Variants in C10orf67 observed in about 807,000 individuals in gnomAD.
C10orf67 encodes the protein chromosome 10 open reading frame 67.
A neutral mutation model predicts 35.6 loss-of-function variants in C10orf67; 60 were observed. The observed-to-expected ratio is 1.68, with a 90% CI of 1.37 to 2.09. C10orf67 has a LOEUF of 2.09. Ranked by LOEUF, C10orf67 falls within the 30% of genes most tolerant of loss-of-function variation. The probability of loss-of-function intolerance (pLI) is 0.00; values close to 1 mark genes in which losing one functional copy is unlikely to be tolerated. For missense variants in C10orf67, 474 were observed against 330.2 expected (o/e 1.44, Z -3.38); for synonymous variants, 167 against 115.8 (o/e 1.44, Z -2.84).
At chr10:23,217,669 C>T (rs1841467440) in intron 15 of C10orf67, among the ~76,000 whole-genome samples, 2 of 152,150 alleles carry the variant, frequency 1.3e-5, no homozygotes, top group South Asian at 4.1e-4. Context: ...CAACACACAC[C>T]AGAAACATTC....
At chr10:23,222,096 A>G (rs957504572) in intron 15 of C10orf67, among the ~76,000 whole-genome samples, 13 of 152,192 alleles carry the variant, frequency 8.5e-5, no homozygotes, top group African/African-American at 2.7e-4. Flanking sequence ...TTTTATTAGT[A>G]AGGCAAAAAA....
chr10:23,289,872 C>A (rs1220272601), intron 7 of C10orf67, 28 bp downstream of exon 7: 3 of 713,886 alleles, frequency 4.2e-6, no homozygotes, highest in South Asian at 3.0e-5. Context: ...TTAAAAGAGT[C>A]ATTTATCAAC....
chr10:23,290,947 A>G (rs1290108281), intron 6 of C10orf67, among the ~76,000 whole-genome samples, 185 bp downstream of exon 6: 1 of 152,228 alleles, frequency 6.6e-6, no homozygotes, highest in Non-Finnish European at 1.5e-5. Flanking sequence ...GGGTACAACT[A>G]CAAACACATC....
chr10:23,222,946 G>A (rs1375103689), intron 15 of C10orf67, among the ~76,000 whole-genome samples: 3 of 152,084 alleles, frequency 2.0e-5, no homozygotes, highest in Admixed American at 6.6e-5. Flanking sequence ...ACCAGGCCCA[G>A]TCTACTTTTC....
chr10:23,323,920 T>C (rs200469680), intron 2 of C10orf67, among the ~76,000 whole-genome samples: 1 of 35,948 alleles, frequency 2.8e-5, no homozygotes, highest in African/African-American at 1.9e-4. Flanking sequence ...TATATATATA[T>C]ATATATATAT....
At chr10:23,250,417 T>A (rs1842417117) in intron 12 of C10orf67, 38 bp downstream of exon 12, 5 of 398,200 alleles carry the variant, frequency 1.3e-5, no homozygotes, top group Non-Finnish European at 2.2e-5. Context: ...TGATTAGTCA[T>A]GTTTTTAGAA....
chr10:23,322,257 TG>T, intron 3 of C10orf67, 136 bp downstream of exon 3: 1 of 795,366 alleles, frequency 1.3e-6, no homozygotes, highest in South Asian at 2.0e-5. Context: ...TGAAGCTCTG[TG>T]TATTAATTAC....
chr10:23,330,294 C>CA (rs1221335143), intron 2 of C10orf67, among the ~76,000 whole-genome samples: 4 of 151,690 alleles, frequency 2.6e-5, no homozygotes, highest in East Asian at 1.9e-4. Flanking sequence ...TCTGTCTCTA[C>CA]AAAAAAATAG....
At chr10:23,257,325 A>G (rs961859458) in intron 10 of C10orf67, among the ~76,000 whole-genome samples, 1 of 152,182 alleles carries the variant, frequency 6.6e-6, no homozygotes, top group African/African-American at 2.4e-5. Context: ...AATCTTCTCT[A>G]CCTTCACTCA....
At position 23,273,525 on chromosome 10, in the gene C10orf67, T is replaced by A. The variant is rs1302151566; in HGVS notation, c.976-6271A>T. Among the ~76,000 whole-genome samples the A allele has an allele frequency of 4.6e-5, 7 of 152,188 alleles. No individual in the cohort carries two copies. The East Asian group carries it at 1.3e-3, about 29-fold the overall frequency. The stretch of plus-strand genomic sequence containing the variant: ...AATCTCATTGTACTATAGCATCAGC[T>A]TGCAGTCTGGAATCTCATTATCTAA... On this transcript the variant is annotated intron_variant, in intron 8 of 15. Transcript: ENST00000636213.
intron 15 of C10orf67, among the ~76,000 whole-genome samples, chr10:23,221,053 G>C (rs1055300045): frequency 6.6e-6 from 1 of 152,060 alleles, no homozygotes; most frequent in Non-Finnish European, 1.5e-5. Context: ...ACCTGTATTA[G>C]TCCATTCTCA....
rs1291462649 is a variant in C10orf67 at position 23,208,047 on chromosome 10, C to A, written c.1571-3792G>T. ...TGTTCTAATCCTAGAGAAAAATAAA[C>A]ACTCTTAATATGGAAGCGTTAGGTA... On this transcript the variant is annotated intron_variant, in intron 15 of 15. Transcript: ENST00000636213. 7.2e-5 allele frequency among the ~76,000 whole-genome samples: 11 copies of A among 152,302 alleles called. No individual in the cohort carries two copies. The East Asian group carries it at 2.1e-3, about 29-fold the overall frequency.
At chr10:23,244,531 A>G (rs892234332) in intron 12 of C10orf67, among the ~76,000 whole-genome samples, 15 of 152,178 alleles carry the variant, frequency 9.9e-5, no homozygotes, top group Non-Finnish European at 5.9e-5. Flanking sequence ...ATAAACATAC[A>G]AAAATCAATT....
intron 15 of C10orf67, among the ~76,000 whole-genome samples, chr10:23,211,433 G>T (rs1402232504): frequency 6.8e-6 from 1 of 146,852 alleles, no homozygotes; most frequent in South Asian, 2.3e-4. Flanking sequence ...TGAGATTAAA[G>T]TCTCAACATA....
At chr10:23,329,927 C>T (rs1280874785) in intron 2 of C10orf67, among the ~76,000 whole-genome samples, 1 of 151,758 alleles carries the variant, frequency 6.6e-6, no homozygotes, top group Non-Finnish European at 1.5e-5. Context: ...TATTATGATC[C>T]AGTTAGGTTT....
At chr10:23,291,765 A>T (rs1253360113) in intron 5 of C10orf67, among the ~76,000 whole-genome samples, 8 of 152,170 alleles carry the variant, frequency 5.3e-5, no homozygotes, top group Non-Finnish European at 1.5e-5. Flanking sequence ...TGAGGAGCAC[A>T]TCACATGTCA....
chr10:23,318,799 G>T, intron 4 of C10orf67: 9 of 708,256 alleles, frequency 1.3e-5, no homozygotes. Context: ...CCAGAGGCAG[G>T]GCAAGTCCAG....
At chr10:23,215,693 A>G (rs539097947) in intron 15 of C10orf67, among the ~76,000 whole-genome samples, 3 of 152,048 alleles carry the variant, frequency 2.0e-5, no homozygotes, top group African/African-American at 7.3e-5. Context: ...GAATTCAGGG[A>G]AAAAAATTAT....
intron 4 of C10orf67, among the ~76,000 whole-genome samples, chr10:23,309,515 T>C (rs754590265): frequency 6.6e-6 from 1 of 152,328 alleles, no homozygotes; most frequent in South Asian, 2.1e-4. Flanking sequence ...GTAACAAGCA[T>C]GCACATATAC....
Sources: gnomAD v4.1 joint callset for allele counts (sites outside exome capture counted in the v4.1 genomes callset) on GRCh38, gnomAD v4.1.1 for gene constraint, MANE v1.5 for transcripts, NCBI Gene and HGNC (gene_info 2026-07-23, HGNC 2026-07-21) for gene names.